LRBA: variants seen among roughly 807,000 people sequenced by gnomAD.
LRBA encodes the protein lipopolysaccharide-responsive and beige-like anchor protein.
A neutral mutation model predicts 330.0 loss-of-function variants in LRBA; 176 were observed. That is an observed-to-expected ratio of 0.53 (90% CI 0.47 to 0.60). The LOEUF (loss-of-function observed/expected upper bound fraction) is 0.60, where lower values mean the gene tolerates loss of function less well. LRBA is among the 20% of genes least tolerant of loss of function. The probability of loss-of-function intolerance (pLI) is 0.00; values close to 1 mark genes in which losing one functional copy is unlikely to be tolerated. For synonymous variants in LRBA, 1,230 were observed against 1,193.0 expected (o/e 1.03, Z -0.64); for missense variants, 3,259 against 3,444.8 (o/e 0.95, Z 1.35).
At chr4:150,483,248 T>C (rs1442766222) in intron 42 of LRBA, among the ~76,000 whole-genome samples, 1 of 152,016 alleles carries the variant, frequency 6.6e-6, no homozygotes, top group Admixed American at 6.6e-5. Flanking sequence ...AAAAAGATCA[T>C]TTTCCCCCCT....
intron 26 of LRBA, among the ~76,000 whole-genome samples, chr4:150,846,473 T>C (rs1749858785): frequency 6.7e-6 from 1 of 150,102 alleles, no homozygotes; most frequent in South Asian, 2.1e-4. Flanking sequence ...GAGGTTGCAG[T>C]GAGCCCAGAT....
chr4:150,346,251 T>C (rs1433260681), intron 48 of LRBA, among the ~76,000 whole-genome samples: 1 of 151,872 alleles, frequency 6.6e-6, no homozygotes, highest in African/African-American at 2.4e-5. Context: ...CCATGTTTAA[T>C]AAATGCCAAA....
At chr4:150,509,485 T>C (rs1390601857) in intron 40 of LRBA, among the ~76,000 whole-genome samples, 1 of 151,498 alleles carries the variant, frequency 6.6e-6, no homozygotes, top group African/African-American at 2.4e-5. Context: ...TGACATCCCC[T>C]TTAGGAAAAA....
intron 2 of LRBA, among the ~76,000 whole-genome samples, chr4:150,986,765 C>T (rs1741509750): frequency 6.6e-6 from 1 of 152,006 alleles, no homozygotes; most frequent in South Asian, 2.1e-4. Flanking sequence ...ACACAGGATG[C>T]CAAGGAAGCT....
At chr4:150,800,067 A>G (rs1261084505) in intron 33 of LRBA, among the ~76,000 whole-genome samples, 1 of 152,200 alleles carries the variant, frequency 6.6e-6, no homozygotes, top group Non-Finnish European at 1.5e-5. Flanking sequence ...TAGTCTTAAG[A>G]AAAATTTCAC....
intron 47 of LRBA, among the ~76,000 whole-genome samples, chr4:150,367,113 A>G (rs946835261): frequency 3.3e-5 from 5 of 152,250 alleles, no homozygotes; most frequent in Non-Finnish European, 7.3e-5. Context: ...TTTTATTTAT[A>G]GAATAACTAG....
chr4:151,007,033 T>C (rs145806349), intron 2 of LRBA, among the ~76,000 whole-genome samples: 50 of 152,358 alleles, frequency 3.3e-4, no homozygotes, highest in African/African-American at 1.1e-3. Context: ...GTCTTCCCTA[T>C]TTTAAAACTC....
At position 150,414,457 on chromosome 4, in the gene LRBA, T is replaced by C. The variant is rs576333638; in HGVS notation, c.7194+981A>G. Among the ~76,000 whole-genome samples the C allele has an allele frequency of 1.8e-4, 27 of 152,288 alleles. No homozygotes were observed. In the South Asian group the frequency reaches 5.6e-3, roughly 32 times the overall value. On this transcript the variant is annotated intron_variant, in intron 47 of 56. Transcript: ENST00000651943. Reference sequence around the variant, plus strand: ...GAGATTTCACTTTTAATGTAGAGTGTGGTAAACATTCTACTTTTATTTTTT... The same window carrying C: ...GAGATTTCACTTTTAATGTAGAGTGCGGTAAACATTCTACTTTTATTTTTT...
At chr4:150,594,737 A>G (rs1773297821) in intron 38 of LRBA, among the ~76,000 whole-genome samples, 1 of 152,068 alleles carries the variant, frequency 6.6e-6, no homozygotes, top group Non-Finnish European at 1.5e-5. Flanking sequence ...AAATGATTTG[A>G]TTCACTGAGG....
intron 36 of LRBA, among the ~76,000 whole-genome samples, chr4:150,710,796 G>A (rs914856900): frequency 6.6e-6 from 1 of 151,954 alleles, no homozygotes; most frequent in Non-Finnish European, 1.5e-5. Context: ...AATAACGTGA[G>A]GAAAGATGTA....
In LRBA at chr4:150,803,083, T is replaced by TATATAC. The variant is rs748531851; in HGVS notation, c.5518+3187_5518+3188insGTATAT. The stretch of plus-strand genomic sequence containing the variant: ...AAAACAAACAAAAAAAAAATATATA[T>TATATAC]ACACACACACACACACACACACACA... On this transcript the variant is annotated intron_variant, in intron 33 of 56. Transcript: ENST00000651943. 6.9e-4 allele frequency among the ~76,000 whole-genome samples: 89 copies of TATATAC among 128,486 alleles called. 1 individual carries two copies. Among genetic ancestry groups the TATATAC allele is most frequent in the Admixed American group, 3.2e-3 (39 of 12,268 alleles). The allele number at this position is 128,486 out of a possible 152,430, so 84.3% of individuals were successfully genotyped here.
rs550652196 is a variant in LRBA at position 150,788,095 on chromosome 4, C to CA, written c.5580+9985dup. On this transcript the variant is annotated intron_variant, in intron 34 of 56. Transcript: ENST00000651943. ...AAATCTTTTTGTTGTTGTTTTGAGA[C>CA]AGAGTCTCATTCTGTCACCCAGGCT... 1.9e-3 allele frequency among the ~76,000 whole-genome samples: 282 copies of CA among 152,182 alleles called. 3 individuals are homozygous for CA. Among genetic ancestry groups the CA allele is most frequent in the Admixed American group, 3.7e-3 (57 of 15,282 alleles).
In LRBA at chr4:150,671,041, T is replaced by TGTGTGTGTGA. The variant is rs779665914; in HGVS notation, c.5921+12509_5921+12510insTCACACACAC. Reference sequence around the variant, plus strand: ...GTGTGTGTGTGTGTGTGTGTGTGTGTGAGAGAGAGAGAGAGAGAGAGACAG... The same window carrying TGTGTGTGTGA: ...GTGTGTGTGTGTGTGTGTGTGTGTGTGTGTGTGTGAGAGAGAGAGAGAGAGAGAGAGACAG... On this transcript the variant is annotated intron_variant, in intron 37 of 56. Coordinates refer to ENST00000651943, the MANE Select transcript of LRBA (RefSeq NM_001364905.1). Among the ~76,000 whole-genome samples, 1,352 of 142,726 alleles carry TGTGTGTGTGA rather than the reference T, an allele frequency of 9.5e-3. 10 individuals are homozygous for TGTGTGTGTGA. Among genetic ancestry groups the TGTGTGTGTGA allele is most frequent in the Non-Finnish European group, 0.014 (937 of 65,890 alleles). The allele number at this position is 142,726 out of a possible 152,430, so 93.6% of individuals were successfully genotyped here.
At chr4:151,014,399 T>A in intron 2 of LRBA, 28 bp downstream of exon 2, 1 of 1,567,194 alleles carries the variant, frequency 6.4e-7, no homozygotes, top group Middle Eastern at 1.7e-4. Flanking sequence ...GAAAAGAGTA[T>A]ATGCTTATAA....
intron 37 of LRBA, among the ~76,000 whole-genome samples, chr4:150,639,751 A>ATATG (rs1554070663): frequency 1.8e-4 from 1 of 5,516 alleles, no homozygotes; most frequent in African/African-American, 3.7e-4. Flanking sequence ...ATATATATAT[A>ATATG]TATATATATA....
intron 40 of LRBA, among the ~76,000 whole-genome samples, chr4:150,562,384 G>C (rs1768478629): frequency 6.6e-6 from 1 of 152,172 alleles, no homozygotes; most frequent in African/African-American, 2.4e-5. Flanking sequence ...TGGGACAGCA[G>C]CAGGAATAAT....
At chr4:150,516,657 T>C (rs778496194) in intron 40 of LRBA, among the ~76,000 whole-genome samples, 1 of 151,834 alleles carries the variant, frequency 6.6e-6, no homozygotes, top group Non-Finnish European at 1.5e-5. Flanking sequence ...CTGAAGTTTA[T>C]TAGTAGTACT....
chr4:150,640,969 G>A (rs1778621241), intron 37 of LRBA, among the ~76,000 whole-genome samples: 1 of 152,030 alleles, frequency 6.6e-6, no homozygotes, highest in Admixed American at 6.6e-5. Context: ...TCTAAACCAT[G>A]CTTTCTGGAC....
At chr4:150,596,405 A>C (rs1773487176) in intron 38 of LRBA, among the ~76,000 whole-genome samples, 2 of 151,938 alleles carry the variant, frequency 1.3e-5, no homozygotes, top group Admixed American at 1.3e-4. Flanking sequence ...ACTTCTATTT[A>C]GATGTCTTCC....
Sources: gnomAD v4.1 joint callset for allele counts (sites outside exome capture counted in the v4.1 genomes callset) on GRCh38, gnomAD v4.1.1 for gene constraint, MANE v1.5 for transcripts, NCBI Gene and HGNC (gene_info 2026-07-23, HGNC 2026-07-21) for gene names.